TCF24: variants seen among roughly 807,000 people sequenced by gnomAD.
The protein encoded by TCF24 is transcription factor 24.
TCF24 carries 5 observed loss-of-function variants against 9.3 expected under a neutral mutation model. The ratio of observed to expected loss-of-function variants is 0.54; its 90% CI spans 0.28 to 1.13. The LOEUF is 1.13. Among genes scored for constraint, TCF24 ranks in the 50% most tolerant of loss-of-function variants. The pLI is 0.09. For synonymous variants in TCF24, 110 were observed against 115.8 expected (o/e 0.95, Z 0.32); for missense variants, 220 against 236.1 (o/e 0.93, Z 0.45).
At position 66,948,053 on chromosome 8, in the gene TCF24, A is replaced by G. The variant is rs1214282519; in HGVS notation, c.502T>C (p.Ter168GlnextTer29). Residue 168 changes from the stop codon to glutamine (Q), a stop_lost, in exon 4 of 4, where the codon TAG becomes CAG. Transcript: ENST00000563496. ...HDNTPTDSQP[*>Q] is the part of the protein sequence containing the mutation. ...ACCAGCCCCCACCAGGGGAGAGCCT[A>G]AGGCTGTGAGTCTGTTGGAGTGTTG... 1.3e-6 allele frequency: 2 copies of G among 1,529,300 alleles called. No individual in the cohort carries two copies. Among genetic ancestry groups the G allele is most frequent in the Admixed American group, 2.0e-5 (1 of 49,236 alleles). The allele number at this position is 1,529,300 out of a possible 1,614,324, so 94.7% of individuals were successfully genotyped here.
chr8:66,961,621 G>T lies in TCF24; in HGVS notation c.145C>A (p.Arg49=), dbSNP rs1459953902. 6.3e-6 allele frequency: 8 copies of T among 1,276,682 alleles called. No individual in the cohort carries two copies. The highest frequency in any genetic ancestry group is 2.8e-5 in the South Asian group (1 of 35,534). 79.1% of individuals were successfully genotyped at this position (1,276,682 alleles called of 1,614,324 possible). ...PGGGSRSGSG[R]PAAANAARER... ...CGCGCCGCATTCGCCGCCGCCGGCC[G>T]CCCGCTCCCGGAACGCGAGCCGCCC... The change falls in exon 3 of 4, where the codon CGG becomes AGG. Residue 49 remains arginine (R), a synonymous_variant. Transcript: ENST00000563496.
intron 3 of TCF24, among the ~76,000 whole-genome samples, chr8:66,955,381 T>TA (rs754507682): frequency 2.2e-3 from 295 of 136,290 alleles, no homozygotes; most frequent in African/African-American, 3.0e-3. Context: ...AGAGAGGGAC[T>TA]AAAAAAAAAA....
In TCF24 at chr8:66,948,070, G is replaced by A; in HGVS notation, c.485C>T (p.Pro162Leu). 3 of 1,534,090 alleles carry A rather than the reference G, an allele frequency of 2.0e-6. No individual in the cohort carries two copies. The highest frequency in any genetic ancestry group is 2.5e-5 in the East Asian group (1 of 40,788). ...SGEKTNHDNT[P>L]TDSQP ...GAGAGCCTAAGGCTGTGAGTCTGTTGGAGTGTTGTCATGATTTGTTTTTTC... is the reference window on the plus strand; with the variant it reads ...GAGAGCCTAAGGCTGTGAGTCTGTTAGAGTGTTGTCATGATTTGTTTTTTC... Residue 162 changes from proline to leucine, a missense_variant, in exon 4 of 4, where the codon CCA (proline) becomes CTA (leucine). Coordinates refer to ENST00000563496, the MANE Select transcript of TCF24 (RefSeq NM_001193502.2).
intron 3 of TCF24, among the ~76,000 whole-genome samples, chr8:66,950,584 G>C (rs1278067807): frequency 6.6e-6 from 1 of 151,730 alleles, no homozygotes; most frequent in Non-Finnish European, 1.5e-5. Flanking sequence ...GCTCTTTTTT[G>C]GTTCCATATG....
In TCF24 at chr8:66,948,088, G is replaced by A. The variant is rs1563404347; in HGVS notation, c.467C>T (p.Thr156Ile). Reference protein sequence around the residue: ...FLKHSVSGEKTNHDNTPTDSQ... With the variant: ...FLKHSVSGEKINHDNTPTDSQ... ...GTCTGTTGGAGTGTTGTCATGATTT[G>A]TTTTTTCTCCAGAAACAGAATGCTT... Residue 156 changes from threonine to isoleucine, a missense_variant, in exon 4 of 4, where the codon ACA becomes ATA. Transcript: ENST00000563496. The A allele has an allele frequency of 3.3e-6, 5 of 1,534,984 alleles. No individual in the cohort carries two copies. The highest frequency in any genetic ancestry group is 2.4e-5 in the East Asian group (1 of 40,828).
At chr8:66,959,446 T>C (rs987679734) in intron 3 of TCF24, among the ~76,000 whole-genome samples, 1 of 152,244 alleles carries the variant, frequency 6.6e-6, no homozygotes, top group African/African-American at 2.4e-5. Context: ...ATTTTGGTAG[T>C]GTCTGTAAAA....
chr8:66,960,025 C>G (rs937883079), intron 3 of TCF24, among the ~76,000 whole-genome samples: 6 of 152,264 alleles, frequency 3.9e-5, no homozygotes, highest in South Asian at 4.1e-4. Context: ...AACAGATGCT[C>G]TTTGTATTAC....
At chr8:66,953,478 T>C (rs1814091057) in intron 3 of TCF24, among the ~76,000 whole-genome samples, 1 of 152,164 alleles carries the variant, frequency 6.6e-6, no homozygotes, top group African/African-American at 2.4e-5. Flanking sequence ...GTTAGTCTGA[T>C]GGGCTTCCCT....
Position 66,961,737 on chromosome 8 carries a change from G to A in TCF24, c.29C>T (p.Pro10Leu), listed in dbSNP as rs1455707302. The part of the protein sequence containing the change: MDRGRPAGS[P>L]LSASAEPAPL... ...CGCGGGCTCGGCGCTGGCGCTGAGG[G>A]GGCTGCCCGCTGGGCGGCCGCGGTC... Residue 10 changes from proline to leucine, a missense_variant, in exon 3 of 4, where the codon CCC becomes CTC. Coordinates refer to ENST00000563496, the MANE Select transcript of TCF24 (RefSeq NM_001193502.2). 9.0e-7 allele frequency: 1 copy of A among 1,106,084 alleles called. No individual in the cohort carries two copies. Among genetic ancestry groups the A allele is most frequent in the African/African-American group, 1.7e-5 (1 of 60,102 alleles). 68.5% of individuals were successfully genotyped at this position (1,106,084 alleles called of 1,614,324 possible).
chr8:66,957,417 CAAAAA>C (rs60795431), intron 3 of TCF24, among the ~76,000 whole-genome samples: 3 of 108,542 alleles, frequency 2.8e-5, no homozygotes, highest in Admixed American at 9.8e-5. Flanking sequence ...AACTCCATAT[CAAAAA>C]AAAAAAAAAA....
chr8:66,951,303 G>C (rs919818150), intron 3 of TCF24, among the ~76,000 whole-genome samples: 4 of 147,468 alleles, frequency 2.7e-5, no homozygotes, highest in East Asian at 2.0e-4. Flanking sequence ...TAGCATGAAG[G>C]GTTGTTGAAT....
chr8:66,952,104 C>T (rs1460819583), intron 3 of TCF24, among the ~76,000 whole-genome samples: 3 of 149,042 alleles, frequency 2.0e-5, no homozygotes, highest in Admixed American at 2.0e-4. Flanking sequence ...TTCATTTCTG[C>T]TCTGATTTTA....
chr8:66,949,351 G>A (rs368355019), intron 3 of TCF24, among the ~76,000 whole-genome samples: 57 of 151,742 alleles, frequency 3.8e-4, no homozygotes, highest in East Asian at 3.3e-3. Flanking sequence ...GAGAATATGC[G>A]GTGTTTGGTT....
At position 66,956,123 on chromosome 8, in the gene TCF24, G is replaced by A. The variant is rs1013740262; in HGVS notation, c.390+5253C>T. Among the ~76,000 whole-genome samples, 5 of 152,040 alleles carry A rather than the reference G, an allele frequency of 3.3e-5. No homozygotes were observed. In the East Asian group the frequency reaches 7.7e-4, roughly 24 times the overall value. On this transcript the variant is annotated intron_variant, in intron 3 of 3. Coordinates refer to ENST00000563496, the MANE Select transcript of TCF24 (RefSeq NM_001193502.2). ...TAAAAACTTGTTTGTTTGTTTGTTT[G>A]TTTGTTTTTACAGAGGCAGAGTCTC...
At chr8:66,951,691 C>G (rs2130898062) in intron 3 of TCF24, among the ~76,000 whole-genome samples, 1 of 152,236 alleles carries the variant, frequency 6.6e-6, no homozygotes, top group East Asian at 1.9e-4. Flanking sequence ...CCTTGTACCT[C>G]TGGTAGAATT....
chr8:66,953,348 C>T (rs1585942725), intron 3 of TCF24, among the ~76,000 whole-genome samples: 1 of 150,036 alleles, frequency 6.7e-6, no homozygotes, highest in Admixed American at 6.6e-5. Context: ...TTCTCCTTCA[C>T]TTATGAAGCT....
chr8:66,957,895 T>TAAAAAAAAAA (rs11299517), intron 3 of TCF24, among the ~76,000 whole-genome samples: 1 of 43,064 alleles, frequency 2.3e-5, no homozygotes. Flanking sequence ...TAAGAATTGC[T>TAAAAAAAAAA]AAAAAAAAAA....
chr8:66,947,749 A>T lies in TCF24; in HGVS notation c.*302T>A, dbSNP rs997652800. On this transcript the variant is annotated 3_prime_UTR_variant, in exon 4 of 4. Transcript: ENST00000563496. ...TTTCTGTTTGTAATAGATACACTAT[A>T]GCAATATCTATATTGCATTCTTTAG... The T allele has an allele frequency of 1.6e-5, 3 of 193,502 alleles. No individual in the cohort carries two copies. Among genetic ancestry groups the T allele is most frequent in the African/African-American group, 7.0e-5 (3 of 42,950 alleles). The allele number at this position is 193,502 out of a possible 1,614,324, so 12.0% of individuals were successfully genotyped here.
chr8:66,958,997 G>T (rs980429794), intron 3 of TCF24, among the ~76,000 whole-genome samples: 33 of 152,286 alleles, frequency 2.2e-4, no homozygotes, highest in African/African-American at 7.5e-4. Flanking sequence ...TTGAGACAGG[G>T]TCTTGCTCAG....
Sources: gnomAD v4.1 joint callset for allele counts (sites outside exome capture counted in the v4.1 genomes callset) on GRCh38, gnomAD v4.1.1 for gene constraint, MANE v1.5 for transcripts, NCBI Gene and HGNC (gene_info 2026-07-23, HGNC 2026-07-21) for gene names.